Variants in CTNNA3 observed in about 807,000 individuals in gnomAD.
CTNNA3 encodes catenin alpha 3, also known as catenin alpha-3.
Under a neutral mutation model 95.7 loss-of-function variants are expected in CTNNA3, and 76 were observed. The ratio of observed to expected loss-of-function variants is 0.79; its 90% confidence interval spans 0.66 to 0.96. The LOEUF (loss-of-function observed/expected upper bound fraction) is 0.96. Among genes scored for constraint, CTNNA3 ranks in the 40% least tolerant of loss-of-function variants. The probability of loss-of-function intolerance (pLI) is 0.00; values close to 1 mark genes in which losing one functional copy is unlikely to be tolerated. For synonymous variants in CTNNA3, 431 were observed against 374.4 expected (o/e 1.15, Z -1.74); for missense variants, 1,191 against 1,089.8 (o/e 1.09, Z -1.31).
chr10:67,640,707 T>C (rs542562878), intron 2 of CTNNA3, among the ~76,000 whole-genome samples: 1 of 152,176 alleles, frequency 6.6e-6, no homozygotes, highest in East Asian at 1.9e-4. Context: ...GCCACACAAG[T>C]ACAACCATCT....
intron 5 of CTNNA3, among the ~76,000 whole-genome samples, chr10:67,264,181 G>A (rs978070967): frequency 6.6e-6 from 1 of 152,088 alleles, no homozygotes; most frequent in Non-Finnish European, 1.5e-5. Context: ...ACTTGATCCA[G>A]ATAGACCCAT....
rs185679753 is a variant in CTNNA3, at chr10:66,893,801, C to A, written c.1048-118277G>T. Among the ~76,000 whole-genome samples the A allele has an allele frequency of 3.3e-5, 5 of 152,182 alleles. No homozygotes were observed. The East Asian group carries it at 7.7e-4, about 23-fold the overall frequency. The stretch of plus-strand genomic sequence containing the variant: ...AAGTCCTTTTGATTTGTCGTGGATA[C>A]TACCTAAAAGAACACAGATAATCAA... On this transcript the variant is annotated intron_variant, in intron 7 of 17. Transcript: ENST00000433211.
intron 7 of CTNNA3, among the ~76,000 whole-genome samples, chr10:66,797,480 A>T (rs1841252504): frequency 6.6e-6 from 1 of 151,868 alleles, no homozygotes; most frequent in Non-Finnish European, 1.5e-5. Flanking sequence ...AAAGGAAACT[A>T]AGTGCTTTCC....
intron 7 of CTNNA3, among the ~76,000 whole-genome samples, chr10:67,113,600 G>A (rs940432585): frequency 6.6e-6 from 1 of 152,086 alleles, no homozygotes; most frequent in African/African-American, 2.4e-5. Flanking sequence ...AACAATTTTT[G>A]TTTTTAAGAG....
rs1013681382 is a variant in CTNNA3 at position 66,653,082 on chromosome 10, G to A, written c.1282-31298C>T. ...AAGACAAGGATTCCCGTTCTTTTCG[G>A]TTCTGTCTAACTAAAGTGCTGTAAG... is the stretch of plus-strand genomic sequence containing the variant. On this transcript the variant is annotated intron_variant, in intron 9 of 17. Transcript: ENST00000433211. Among the ~76,000 whole-genome samples, 4 of 152,010 alleles carry A rather than the reference G, an allele frequency of 2.6e-5. No homozygotes were observed. In the South Asian group the frequency reaches 8.3e-4, roughly 32 times the overall value.
At chr10:67,322,274 T>C (rs1009946385) in intron 5 of CTNNA3, among the ~76,000 whole-genome samples, 1 of 152,198 alleles carries the variant, frequency 6.6e-6, no homozygotes, top group Admixed American at 6.5e-5. Flanking sequence ...GTTTGTTATA[T>C]AGGTAAACTT....
intron 6 of CTNNA3, among the ~76,000 whole-genome samples, chr10:67,184,104 A>T (rs1862719643): frequency 6.6e-6 from 1 of 152,198 alleles, no homozygotes; most frequent in Non-Finnish European, 1.5e-5. Flanking sequence ...CTCTCTGGTG[A>T]AGCTTTCCTA....
chr10:66,326,217 A>G (rs1379608665), intron 12 of CTNNA3, among the ~76,000 whole-genome samples: 1 of 152,254 alleles, frequency 6.6e-6, no homozygotes, highest in East Asian at 1.9e-4. Context: ...AATGTATCAA[A>G]CAGCAGGAAT....
chr10:67,278,120 G>C (rs1839258613), intron 5 of CTNNA3, among the ~76,000 whole-genome samples: 1 of 152,072 alleles, frequency 6.6e-6, no homozygotes, highest in Admixed American at 6.6e-5. Flanking sequence ...CCCTTTCCAG[G>C]AACAGGAGAA....
chr10:67,724,573 A>T (rs1841198310), intron 1 of CTNNA3, among the ~76,000 whole-genome samples: 1 of 152,146 alleles, frequency 6.6e-6, no homozygotes, highest in African/African-American at 2.4e-5. Context: ...CCACATGTGC[A>T]TATCCACAGA....
At chr10:66,503,244 G>C (rs1840339360) in intron 11 of CTNNA3, among the ~76,000 whole-genome samples, 3 of 152,134 alleles carry the variant, frequency 2.0e-5, no homozygotes, top group Admixed American at 2.0e-4. Context: ...AGGATGCAGA[G>C]AGTTTTGTCT....
chr10:66,237,333 T>C lies in CTNNA3; in HGVS notation c.1884+43137A>G, dbSNP rs139937604. 2.9e-3 allele frequency among the ~76,000 whole-genome samples: 435 copies of C among 152,304 alleles called. 1 individual carries two copies. Among genetic ancestry groups the C allele is most frequent in the Middle Eastern group, 0.01 (3 of 294 alleles). On this transcript the variant is annotated intron_variant, in intron 13 of 17. Coordinates refer to ENST00000433211, the MANE Select transcript of CTNNA3 (RefSeq NM_013266.4). ...TTTCTTATAGCATTCTGTGGCTTGC[T>C]ACTTGAAACATCAGGGGAATTGTTG...
chr10:66,929,603 T>C lies in CTNNA3; in HGVS notation c.1048-154079A>G, dbSNP rs10822944. On this transcript the variant is annotated intron_variant, in intron 7 of 17. Coordinates refer to ENST00000433211, the MANE Select transcript of CTNNA3 (RefSeq NM_013266.4). ...CTTTGATAACACCTTAATAAATGTATAAAACGAATCTTAGAGGAAAAAAGA... is the reference window on the plus strand; with the variant it reads ...CTTTGATAACACCTTAATAAATGTACAAAACGAATCTTAGAGGAAAAAAGA... 0.029 allele frequency among the ~76,000 whole-genome samples: 4,386 copies of C among 152,302 alleles called. 415 individuals are homozygous for C. In the East Asian group the frequency reaches 0.37, roughly 13 times the overall value.
chr10:67,467,473 A>T (rs779669092), intron 5 of CTNNA3, among the ~76,000 whole-genome samples: 131 of 118,402 alleles, frequency 1.1e-3, no homozygotes, highest in East Asian at 3.3e-3. Context: ...TGCTTTTTTT[A>T]AAAAAAAATC....
chr10:66,427,043 A>T (rs75195714), intron 11 of CTNNA3, among the ~76,000 whole-genome samples: 9,390 of 151,734 alleles, frequency 0.062, 582 homozygotes, highest in East Asian at 0.23. Flanking sequence ...TTTTAGTGTC[A>T]TTCTCTCAAA....
chr10:67,731,699 G>A (rs1411049560), intron 1 of CTNNA3, among the ~76,000 whole-genome samples: 1 of 151,560 alleles, frequency 6.6e-6, no homozygotes, highest in African/African-American at 2.4e-5. Flanking sequence ...CTACTCGGGA[G>A]GCTGAGGCAG....
At chr10:67,334,088 G>C (rs1185189715) in intron 5 of CTNNA3, 1 of 152,110 alleles carries the variant, frequency 6.6e-6, no homozygotes, top group Non-Finnish European at 1.5e-5. Context: ...CAAAATGTTT[G>C]GTCTTGTTGC....
chr10:66,537,798 A>AT (rs1290370176), intron 10 of CTNNA3, among the ~76,000 whole-genome samples: 9 of 151,682 alleles, frequency 5.9e-5, no homozygotes, highest in Admixed American at 1.3e-4. Flanking sequence ...ATCCATATGA[A>AT]TTTTTTTAAA....
chr10:66,763,209 T>C (rs1180567766), intron 9 of CTNNA3, among the ~76,000 whole-genome samples: 5 of 151,996 alleles, frequency 3.3e-5, no homozygotes, highest in Non-Finnish European at 7.4e-5. Context: ...TTGTAGTAAA[T>C]TACTGATGAT....
Sources: allele counts gnomAD v4.1 joint callset (sites outside exome capture counted in the v4.1 genomes callset), GRCh38; gene constraint gnomAD v4.1.1; transcripts MANE v1.5; gene names NCBI Gene and HGNC (gene_info 2026-07-23, HGNC 2026-07-21).